The following EFNA5 variants were observed in gnomAD, a reference collection of about 807,000 sequenced individuals.
The protein encoded by EFNA5 is ephrin A5, also known as ephrin-A5.
EFNA5 carries 5 observed loss-of-function variants against 22.9 expected under a neutral mutation model. The ratio of observed to expected loss-of-function variants is 0.22; its 90% confidence interval spans 0.11 to 0.46. EFNA5 has a LOEUF of 0.46. EFNA5 is among the 20% of genes least tolerant of loss of function. The pLI is 0.99. For synonymous variants in EFNA5, 113 were observed against 112.2 expected (o/e 1.01, Z -0.04); for missense variants, 237 against 293.3 (o/e 0.81, Z 1.40).
intron 1 of EFNA5, among the ~76,000 whole-genome samples, chr5:107,431,164 T>C (rs1179475921): frequency 6.6e-6 from 1 of 152,216 alleles, no homozygotes; most frequent in Non-Finnish European, 1.5e-5. Context: ...GTTTCAGATC[T>C]TAAATTCATA....
chr5:107,584,924 C>CA (rs1749145776), intron 1 of EFNA5, among the ~76,000 whole-genome samples: 1 of 152,132 alleles, frequency 6.6e-6, no homozygotes, highest in South Asian at 2.1e-4. Context: ...ACAAGGTAAT[C>CA]AGAGTGGTCA....
intron 1 of EFNA5, among the ~76,000 whole-genome samples, chr5:107,465,141 C>T (rs1749939256): frequency 6.6e-6 from 1 of 151,792 alleles, no homozygotes; most frequent in Non-Finnish European, 1.5e-5. Context: ...TGGTTACCAA[C>T]AGCGACAGCA....
chr5:107,453,804 G>C (rs1363314751), intron 1 of EFNA5, among the ~76,000 whole-genome samples: 1 of 152,174 alleles, frequency 6.6e-6, no homozygotes, highest in Admixed American at 6.6e-5. Flanking sequence ...GAGTGCTCAA[G>C]GCCATCTGAT....
At chr5:107,491,413 G>A (rs889610961) in intron 1 of EFNA5, among the ~76,000 whole-genome samples, 3 of 152,168 alleles carry the variant, frequency 2.0e-5, no homozygotes, top group Admixed American at 6.5e-5. Flanking sequence ...CCGGGTTCAA[G>A]TGATTCTCCT....
intron 1 of EFNA5, among the ~76,000 whole-genome samples, chr5:107,472,813 T>C (rs1286273915): frequency 1.3e-5 from 2 of 152,134 alleles, no homozygotes; most frequent in Middle Eastern, 3.2e-3. Context: ...GACAAACAGA[T>C]AGAGATCAGT....
chr5:107,641,864 T>C (rs933461129), intron 1 of EFNA5, among the ~76,000 whole-genome samples: 4 of 152,136 alleles, frequency 2.6e-5, no homozygotes, highest in African/African-American at 9.7e-5. Flanking sequence ...AATCAATGAC[T>C]GTCCACCCAG....
At chr5:107,434,008 C>T (rs1435277810) in intron 1 of EFNA5, among the ~76,000 whole-genome samples, 1 of 152,106 alleles carries the variant, frequency 6.6e-6, no homozygotes, top group Admixed American at 6.5e-5. Flanking sequence ...AGTGAGGTAA[C>T]AGTTGACAAC....
At chr5:107,422,475 G>A (rs988252592) in intron 2 of EFNA5, among the ~76,000 whole-genome samples, 2 of 152,176 alleles carry the variant, frequency 1.3e-5, no homozygotes, top group African/African-American at 2.4e-5. Flanking sequence ...GGTCAGAGTC[G>A]CTGCCTCTTG....
chr5:107,645,418 G>T (rs1342038083), intron 1 of EFNA5, among the ~76,000 whole-genome samples: 1 of 152,130 alleles, frequency 6.6e-6, no homozygotes, highest in East Asian at 1.9e-4. Context: ...CCTTGTAAGT[G>T]GCATTCACTA....
At chr5:107,644,764 C>G (rs1001872462) in intron 1 of EFNA5, among the ~76,000 whole-genome samples, 1 of 152,106 alleles carries the variant, frequency 6.6e-6, no homozygotes, top group Non-Finnish European at 1.5e-5. Context: ...TGCAATGGTG[C>G]AATCTCGGCT....
At chr5:107,501,564 T>G (rs1478988436) in intron 1 of EFNA5, among the ~76,000 whole-genome samples, 1 of 152,232 alleles carries the variant, frequency 6.6e-6, no homozygotes, top group Non-Finnish European at 1.5e-5. Flanking sequence ...TCAACATTTG[T>G]GATTTTAATT....
intron 1 of EFNA5, among the ~76,000 whole-genome samples, chr5:107,437,079 T>C (rs1349389054): frequency 1.3e-5 from 2 of 152,194 alleles, no homozygotes; most frequent in Non-Finnish European, 2.9e-5. Context: ...CTGGAATCAT[T>C]ACAATCTAAA....
intron 1 of EFNA5, among the ~76,000 whole-genome samples, chr5:107,527,223 G>T (rs1180676807): frequency 9.2e-5 from 14 of 151,892 alleles, no homozygotes; most frequent in Non-Finnish European, 1.8e-4. Flanking sequence ...AATCATATAA[G>T]TAGATGTATA....
At chr5:107,576,919 C>G (rs1748940133) in intron 1 of EFNA5, among the ~76,000 whole-genome samples, 1 of 152,296 alleles carries the variant, frequency 6.6e-6, no homozygotes, top group African/African-American at 2.4e-5. Context: ...CCCCTCCACC[C>G]CATGAAGGTT....
intron 1 of EFNA5, among the ~76,000 whole-genome samples, chr5:107,593,933 A>AATTAAG (rs1749425126): frequency 6.6e-6 from 1 of 152,168 alleles, no homozygotes; most frequent in African/African-American, 2.4e-5. Flanking sequence ...AAGCTACTAA[A>AATTAAG]CTAGAATTAC....
chr5:107,392,586 G>A (rs1465139521), intron 2 of EFNA5, among the ~76,000 whole-genome samples: 3 of 152,200 alleles, frequency 2.0e-5, no homozygotes, highest in Non-Finnish European at 2.9e-5. Flanking sequence ...ATCCAGCTAA[G>A]CTGCACCTGG....
chr5:107,401,600 T>C (rs1748085975), intron 2 of EFNA5, among the ~76,000 whole-genome samples: 1 of 152,232 alleles, frequency 6.6e-6, no homozygotes, highest in African/African-American at 2.4e-5. Flanking sequence ...CTTCTGTGGT[T>C]GCAGGAGGGG....
intron 1 of EFNA5, among the ~76,000 whole-genome samples, chr5:107,642,401 T>C (rs957162186): frequency 2.0e-5 from 3 of 151,384 alleles, no homozygotes; most frequent in Non-Finnish European, 4.4e-5. Flanking sequence ...CATTCCATGA[T>C]GTATACACAT....
chr5:107,487,643 A>G (rs1160673549), intron 1 of EFNA5, among the ~76,000 whole-genome samples: 3 of 152,226 alleles, frequency 2.0e-5, no homozygotes, highest in East Asian at 3.9e-4. Context: ...TCCAAAAGGT[A>G]ATAGGGAATC....
Sources: gnomAD v4.1 joint callset for allele counts (sites outside exome capture counted in the v4.1 genomes callset) on GRCh38, gnomAD v4.1.1 for gene constraint, MANE v1.5 for transcripts, NCBI Gene and HGNC (gene_info 2026-07-23, HGNC 2026-07-21) for gene names.